CAB39L: variants seen among roughly 807,000 people sequenced by gnomAD.
CAB39L encodes the protein calcium-binding protein 39-like.
A neutral mutation model predicts 39.1 loss-of-function variants in CAB39L; 23 were observed. The observed-to-expected ratio is 0.59, with a 90% CI of 0.42 to 0.83. CAB39L has a LOEUF of 0.83. Among genes scored for constraint, CAB39L ranks in the 40% least tolerant of loss-of-function variants. The pLI is 0.00. For missense variants in CAB39L, 366 were observed against 391.9 expected (o/e 0.93, Z 0.56); for synonymous variants, 126 against 137.2 (o/e 0.92, Z 0.57).
intron 6 of CAB39L, 164 bp from the exon 7 acceptor site, chr13:49,351,076 T>C (rs550927317): frequency 4.2e-5 from 19 of 448,950 alleles, no homozygotes; most frequent in East Asian, 1.0e-4. Flanking sequence ...CCTGGCACTA[T>C]TGCAGACGTA....
At chr13:49,313,235 A>T (rs1482507256) in intron 10 of CAB39L, among the ~76,000 whole-genome samples, 1 of 152,102 alleles carries the variant, frequency 6.6e-6, no homozygotes, top group East Asian at 1.9e-4. Flanking sequence ...TAATCCTAGT[A>T]CTTTGGGAGG....
At chr13:49,342,076 T>C (rs1224310320) in intron 8 of CAB39L, among the ~76,000 whole-genome samples, 3 of 152,164 alleles carry the variant, frequency 2.0e-5, no homozygotes, top group African/African-American at 7.2e-5. Flanking sequence ...AGTTAAATAT[T>C]TGTGATTTGA....
At chr13:49,337,143 T>G (rs1954871791) in intron 9 of CAB39L, among the ~76,000 whole-genome samples, 1 of 152,226 alleles carries the variant, frequency 6.6e-6, no homozygotes, top group South Asian at 2.1e-4. Flanking sequence ...CAAAACAGAT[T>G]GACTTTATTG....
intron 3 of CAB39L, among the ~76,000 whole-genome samples, chr13:49,386,926 G>A (rs1482636749): frequency 5.3e-5 from 8 of 152,026 alleles, no homozygotes; most frequent in Admixed American, 1.3e-4. Context: ...CACTCTGGGC[G>A]ACCATGCTGG....
chr13:49,360,289 T>C (rs1270433465), intron 5 of CAB39L, among the ~76,000 whole-genome samples: 1 of 152,256 alleles, frequency 6.6e-6, no homozygotes, highest in African/African-American at 2.4e-5. Flanking sequence ...CTTTCTAGTA[T>C]TTTTTGCTTT....
intron 3 of CAB39L, among the ~76,000 whole-genome samples, chr13:49,404,659 G>C (rs1473138814): frequency 1.3e-5 from 2 of 152,106 alleles, no homozygotes; most frequent in African/African-American, 4.8e-5. Context: ...TAGCTGTTTT[G>C]AGGAAGCTCA....
chr13:49,439,926 T>TTG (rs1957480549), intron 1 of CAB39L, among the ~76,000 whole-genome samples: 1 of 133,946 alleles, frequency 7.5e-6, no homozygotes, highest in African/African-American at 3.0e-5. Flanking sequence ...AATGGGTTTT[T>TTG]TTTTTTTTTT....
chr13:49,394,197 G>C (rs988061539), intron 3 of CAB39L, among the ~76,000 whole-genome samples: 6 of 151,788 alleles, frequency 4.0e-5, no homozygotes, highest in African/African-American at 1.5e-4. Flanking sequence ...CATTACAAAA[G>C]ATCTCTTTAA....
At chr13:49,441,221 G>GTATGTATATATATATATA (rs1555268261) in intron 1 of CAB39L, among the ~76,000 whole-genome samples, 5 of 121,442 alleles carry the variant, frequency 4.1e-5, no homozygotes, top group African/African-American at 1.8e-4. Flanking sequence ...ATGATTTAGT[G>GTATGTATATATATATATA]TATATATATA....
At chr13:49,411,145 G>A (rs1956980043) in intron 3 of CAB39L, among the ~76,000 whole-genome samples, 1 of 151,934 alleles carries the variant, frequency 6.6e-6, no homozygotes. Context: ...GTGGTGACTT[G>A]TGTCTGTAAT....
At chr13:49,349,041 T>C (rs561551071) in intron 7 of CAB39L, among the ~76,000 whole-genome samples, 1 of 152,334 alleles carries the variant, frequency 6.6e-6, no homozygotes, top group South Asian at 2.1e-4. Context: ...TGACCTAATA[T>C]ACCTTTCAAC....
intron 10 of CAB39L, among the ~76,000 whole-genome samples, chr13:49,329,583 ATATATATATAT>A (rs1954625925): frequency 2.6e-5 from 3 of 115,594 alleles, no homozygotes; most frequent in Non-Finnish European, 5.4e-5. Flanking sequence ...ATATATATAT[ATATATATATAT>A]ATAATGATGT....
At chr13:49,366,599 C>T (rs1438636223) in intron 5 of CAB39L, among the ~76,000 whole-genome samples, 1 of 143,210 alleles carries the variant, frequency 7.0e-6, no homozygotes, top group Non-Finnish European at 1.5e-5. Flanking sequence ...TGCACTCCAG[C>T]CTGGGCAACA....
At chr13:49,385,028 C>G (rs887163197) in intron 3 of CAB39L, among the ~76,000 whole-genome samples, 1 of 152,174 alleles carries the variant, frequency 6.6e-6, no homozygotes, top group Admixed American at 6.5e-5. Flanking sequence ...TCCTTTAAAG[C>G]CAGGCACTGA....
chr13:49,406,169 CTTTT>C (rs1215587782), intron 3 of CAB39L, among the ~76,000 whole-genome samples: 2 of 134,434 alleles, frequency 1.5e-5, no homozygotes, highest in Admixed American at 7.4e-5. Context: ...TTGGAATGCT[CTTTT>C]TTTTTTTTTT....
intron 6 of CAB39L, among the ~76,000 whole-genome samples, chr13:49,354,856 T>C (rs948914982): frequency 6.6e-6 from 1 of 152,178 alleles, no homozygotes; most frequent in African/African-American, 2.4e-5. Flanking sequence ...ACAGTAATCA[T>C]TACACAGAAA....
chr13:49,332,229 C>T, intron 9 of CAB39L, 139 bp from the exon 10 acceptor site: 1 of 921,842 alleles, frequency 1.1e-6, no homozygotes, highest in South Asian at 2.0e-5. Flanking sequence ...TCCTTAAGTG[C>T]ATCTCAAAGC....
chr13:49,392,833 A>G (rs1400281322), intron 3 of CAB39L, among the ~76,000 whole-genome samples: 2 of 152,142 alleles, frequency 1.3e-5, no homozygotes, highest in African/African-American at 2.4e-5. Context: ...TGTTTACAAA[A>G]CAAAATACCA....
chr13:49,410,464 T>G (rs927098341), intron 3 of CAB39L, among the ~76,000 whole-genome samples: 1 of 152,162 alleles, frequency 6.6e-6, no homozygotes, highest in African/African-American at 2.4e-5. Context: ...ATACAAAAAT[T>G]TTATGTTGGA....
Sources: gnomAD v4.1 joint callset for allele counts (sites outside exome capture counted in the v4.1 genomes callset) on GRCh38, gnomAD v4.1.1 for gene constraint, MANE v1.5 for transcripts, NCBI Gene and HGNC (gene_info 2026-07-23, HGNC 2026-07-21) for gene names.